Variants in PDE5A observed in about 807,000 individuals in gnomAD.
PDE5A encodes cGMP-specific 3',5'-cyclic phosphodiesterase.
In PDE5A, 67 loss-of-function variants were observed where a neutral mutation model predicts 110.2. The ratio of observed to expected loss-of-function variants is 0.61; its 90% confidence interval spans 0.50 to 0.75. The LOEUF is 0.75. PDE5A is among the 30% of genes least tolerant of loss of function. The pLI is 0.00. For synonymous variants in PDE5A, 328 were observed against 351.2 expected (o/e 0.93, Z 0.74); for missense variants, 862 against 1,045.1 (o/e 0.82, Z 2.42).
intron 1 of PDE5A, among the ~76,000 whole-genome samples, chr4:119,625,210 G>A (rs1246279421): frequency 6.6e-6 from 1 of 152,070 alleles, no homozygotes; most frequent in Non-Finnish European, 1.5e-5. Context: ...GGTCAGTCAG[G>A]CTGGTCTTGA....
chr4:119,564,318 T>C lies in PDE5A; in HGVS notation c.993+1003A>G, dbSNP rs528657245. 9.2e-5 allele frequency among the ~76,000 whole-genome samples: 14 copies of C among 152,236 alleles called. No homozygotes were observed. The South Asian group carries it at 2.5e-3, about 27-fold the overall frequency. ...CAGCCAAAGTGGCAGGATGCTACAA[T>C]ACATATTTTCATACATGCAAGGACT... On this transcript the variant is annotated intron_variant, in intron 5 of 20. Coordinates refer to ENST00000354960, the MANE Select transcript of PDE5A (RefSeq NM_001083.4).
At chr4:119,515,743 C>T (rs963452227) in intron 14 of PDE5A, among the ~76,000 whole-genome samples, 1 of 152,040 alleles carries the variant, frequency 6.6e-6, no homozygotes, top group African/African-American at 2.4e-5. Flanking sequence ...TTTTCTCCTT[C>T]AGTCTCTTCC....
intron 3 of PDE5A, among the ~76,000 whole-genome samples, chr4:119,584,678 T>C (rs1470492653): frequency 6.6e-6 from 1 of 152,064 alleles, no homozygotes; most frequent in East Asian, 1.9e-4. Context: ...TTCCTGGCAT[T>C]AAAAAAAATT....
intron 1 of PDE5A, among the ~76,000 whole-genome samples, chr4:119,619,292 A>T (rs1321321352): frequency 6.6e-6 from 1 of 152,212 alleles, no homozygotes; most frequent in Non-Finnish European, 1.5e-5. Flanking sequence ...GAATGAAACT[A>T]TTCAATCTGA....
At chr4:119,553,858 T>G in intron 7 of PDE5A, 112 bp from the exon 8 acceptor site, 2 of 612,388 alleles carry the variant, frequency 3.3e-6, no homozygotes, top group Non-Finnish European at 5.8e-6. Context: ...ATAAGGCATA[T>G]ATACTTATTT....
At chr4:119,536,423 C>G (rs554465210) in intron 11 of PDE5A, among the ~76,000 whole-genome samples, 7 of 152,206 alleles carry the variant, frequency 4.6e-5, no homozygotes, top group African/African-American at 1.4e-4. Context: ...AAACATATTG[C>G]TCGAAAACTA....
At chr4:119,609,582 C>T (rs1729670931) in intron 1 of PDE5A, among the ~76,000 whole-genome samples, 1 of 151,756 alleles carries the variant, frequency 6.6e-6, no homozygotes, top group African/African-American at 2.4e-5. Flanking sequence ...GAAATGATAC[C>T]CCATCTAGAA....
At chr4:119,567,934 G>C (rs972369686) in intron 3 of PDE5A, among the ~76,000 whole-genome samples, 3 of 151,712 alleles carry the variant, frequency 2.0e-5, no homozygotes, top group Non-Finnish European at 2.9e-5. Context: ...AGTGGAATAA[G>C]CTATTATCCT....
intron 9 of PDE5A, among the ~76,000 whole-genome samples, chr4:119,550,783 T>C (rs1265072515): frequency 6.6e-6 from 1 of 152,240 alleles, no homozygotes; most frequent in South Asian, 2.1e-4. Flanking sequence ...AGTAAATCTT[T>C]ATACTTATAA....
intron 9 of PDE5A, among the ~76,000 whole-genome samples, chr4:119,552,258 A>C (rs796950515): frequency 3.6e-4 from 55 of 152,298 alleles, no homozygotes; most frequent in African/African-American, 1.0e-3. Context: ...CTAAAACAAT[A>C]CACATTATCT....
chr4:119,628,088 G>A (rs900131325), intron 1 of PDE5A: 4 of 964,204 alleles, frequency 4.1e-6, no homozygotes, highest in Admixed American at 6.1e-5. Context: ...GGCGAGGGGG[G>A]ACGGGGGAGG....
At chr4:119,576,787 C>T (rs1261436265) in intron 3 of PDE5A, among the ~76,000 whole-genome samples, 2 of 152,014 alleles carry the variant, frequency 1.3e-5, no homozygotes, top group Non-Finnish European at 2.9e-5. Flanking sequence ...ACAAGAGAAG[C>T]AAGAGCAAAC....
chr4:119,561,062 A>T (rs1200896771), intron 6 of PDE5A, among the ~76,000 whole-genome samples: 1 of 152,246 alleles, frequency 6.6e-6, no homozygotes, highest in Non-Finnish European at 1.5e-5. Flanking sequence ...CCAAGGTTGC[A>T]GTGAGCTGCG....
chr4:119,565,325 T>C lies in PDE5A; in HGVS notation c.989A>G (p.Asn330Ser). The C allele has an allele frequency of 6.2e-7, 1 of 1,604,804 alleles. No individual in the cohort carries two copies. Reference sequence around the variant, plus strand: ...TTCTTTAGTAATCAGACTGACCTGATTTCTCTTGTTCTCCAGCAGTGAAGT... The same window carrying C: ...TTCTTTAGTAATCAGACTGACCTGACTTCTCTTGTTCTCCAGCAGTGAAGT... ...YETSLLENKRNQVLLDLASLI... is the reference protein window; with the variant it reads ...YETSLLENKRSQVLLDLASLI... Residue 330 changes from asparagine (N) to serine (S), a missense_variant, in exon 5 of 21, where the codon AAT (asparagine) becomes AGT (serine). By Grantham distance (46) the Asn-to-Ser change is conservative. Coordinates refer to ENST00000354960, the MANE Select transcript of PDE5A (RefSeq NM_001083.4).
chr4:119,600,467 A>T (rs997344899), intron 2 of PDE5A, among the ~76,000 whole-genome samples: 6 of 152,126 alleles, frequency 3.9e-5, no homozygotes. Flanking sequence ...TCTTAATACC[A>T]TTCCCCCCAC....
chr4:119,606,154 G>T (rs1729520388), intron 2 of PDE5A, among the ~76,000 whole-genome samples: 4 of 152,102 alleles, frequency 2.6e-5, no homozygotes. Flanking sequence ...AAAACTTTTA[G>T]AGCAAAAATT....
intron 8 of PDE5A, 28 bp from the exon 9 acceptor site, chr4:119,552,665 G>A: frequency 1.6e-6 from 2 of 1,221,846 alleles, no homozygotes. Context: ...GAACAAAACA[G>A]CTAAAATGGT....
At position 119,496,107 on chromosome 4, in the gene PDE5A, A is replaced by G. The variant is rs1032021230; in HGVS notation, c.*2494T>C. The stretch of plus-strand genomic sequence containing the variant: ...CTGAAAAATATAAGGCCAGGCAATT[A>G]TATAGATATCTTTTAACAAGTTAGT... On this transcript the variant is annotated 3_prime_UTR_variant, in exon 21 of 21. Coordinates refer to ENST00000354960, the MANE Select transcript of PDE5A (RefSeq NM_001083.4). The G allele has an allele frequency of 6.6e-6, 1 of 152,170 alleles. No individual in the cohort carries two copies. Among genetic ancestry groups the G allele is most frequent in the African/African-American group, 2.4e-5 (1 of 41,456 alleles). The allele number at this position is 152,170 out of a possible 1,614,324, so 9.4% of individuals were successfully genotyped here. A position where few individuals can be genotyped will look rare whatever the true frequency, so the allele number is the denominator to read the frequency against.
At chr4:119,585,445 C>T (rs1578800666) in intron 3 of PDE5A, among the ~76,000 whole-genome samples, 1 of 152,070 alleles carries the variant, frequency 6.6e-6, no homozygotes, top group African/African-American at 2.4e-5. Flanking sequence ...TTTGTGTAAA[C>T]CCAGTCTATA....
Sources: allele counts gnomAD v4.1 joint callset (sites outside exome capture counted in the v4.1 genomes callset), GRCh38; gene constraint gnomAD v4.1.1; transcripts MANE v1.5; gene names NCBI Gene and HGNC (gene_info 2026-07-23, HGNC 2026-07-21).